The following LANCL1 variants were observed in gnomAD, a reference collection of about 807,000 sequenced individuals.
LANCL1 encodes the protein glutathione S-transferase LANCL1.
Under a neutral mutation model 50.6 loss-of-function variants are expected in LANCL1, and 50 were observed. The observed-to-expected ratio is 0.99, with a 90% CI of 0.79 to 1.25. LANCL1 has a LOEUF of 1.25. Ranked by LOEUF, LANCL1 falls within the 50% of genes most tolerant of loss-of-function variation. LANCL1 has a pLI of 0.00. For synonymous variants in LANCL1, 188 were observed against 178.6 expected (o/e 1.05, Z -0.42); for missense variants, 532 against 480.7 (o/e 1.11, Z -1.00).
At chr2:210,446,148 CCCT>C (rs1693320836) in intron 4 of LANCL1, among the ~76,000 whole-genome samples, 3 of 152,170 alleles carry the variant, frequency 2.0e-5, no homozygotes, top group Admixed American at 2.0e-4. Flanking sequence ...GTCCCTGCCC[CCCT>C]GTGCTTCCTG....
chr2:210,441,685 C>G (rs1693141878), intron 4 of LANCL1, among the ~76,000 whole-genome samples: 1 of 152,130 alleles, frequency 6.6e-6, no homozygotes, highest in Admixed American at 6.6e-5. Flanking sequence ...CTGAGGCTAT[C>G]TGAAATCTCC....
chr2:210,436,235 T>C lies in LANCL1; in HGVS notation c.1031A>G (p.Tyr344Cys). 5 of 1,613,838 alleles carry C rather than the reference T, an allele frequency of 3.1e-6. No homozygotes were observed. The highest frequency in any genetic ancestry group is 1.1e-5 in the South Asian group (1 of 91,066). ...TCCTACCTTACAGGCCCTATACAGG[T>C]ACTTCATGTCCTGTGTGAGGTTGTA... ...TLYNLTQDMKYLYRACKFAEW... is the reference protein window; with the variant it reads ...TLYNLTQDMKCLYRACKFAEW... The change falls in exon 8 of 10, where the codon TAC becomes TGC. Residue 344 changes from tyrosine to cysteine, a missense_variant. Physicochemically the swap from Tyr to Cys is radical, Grantham distance 194. Coordinates refer to ENST00000450366, the MANE Select transcript of LANCL1 (RefSeq NM_006055.3).
At chr2:210,466,358 A>T (rs1694058342) in intron 3 of LANCL1, among the ~76,000 whole-genome samples, 1 of 152,160 alleles carries the variant, frequency 6.6e-6, no homozygotes, top group Non-Finnish European at 1.5e-5. Flanking sequence ...CACTGTGGAG[A>T]TAAAAGTGAC....
intron 4 of LANCL1, among the ~76,000 whole-genome samples, chr2:210,445,629 A>T (rs1001148571): frequency 2.0e-5 from 3 of 152,172 alleles, no homozygotes; most frequent in Non-Finnish European, 4.4e-5. Context: ...AAAATAAAGA[A>T]ATGATATCAC....
At position 210,433,472 on chromosome 2, in the gene LANCL1, G is replaced by C. The variant is rs1326491619; in HGVS notation, c.*1015C>G. ...CATCTCCCCTTTTTAAACAGAAGTA[G>C]AATACTGTACAATTTAGTGAAAAGA... On this transcript the variant is annotated 3_prime_UTR_variant, in exon 10 of 10. Transcript: ENST00000450366. 1 of 149,070 alleles carries C rather than the reference G, an allele frequency of 6.7e-6. No individual in the cohort carries two copies. Among genetic ancestry groups the C allele is most frequent in the Non-Finnish European group, 1.5e-5 (1 of 68,016 alleles). The allele number at this position is 149,070 out of a possible 1,614,324, so 9.2% of individuals were successfully genotyped here. A position where few individuals can be genotyped will look rare whatever the true frequency, so the allele number is the denominator to read the frequency against.
chr2:210,464,109 G>A (rs1693962725), intron 3 of LANCL1, among the ~76,000 whole-genome samples: 1 of 152,128 alleles, frequency 6.6e-6, no homozygotes. Context: ...ATTTAAACCT[G>A]TACATATCAC....
At chr2:210,447,278 T>C (rs1559711227) in intron 4 of LANCL1, among the ~76,000 whole-genome samples, 1 of 152,110 alleles carries the variant, frequency 6.6e-6, no homozygotes. Flanking sequence ...AATGGAGAAA[T>C]AAAATCCTTT....
rs3836055 is a variant in LANCL1, at chr2:210,454,219, TACACACACAC to T, written c.407+878_407+887del. On this transcript the variant is annotated intron_variant, in intron 4 of 9. Coordinates refer to ENST00000450366, the MANE Select transcript of LANCL1 (RefSeq NM_006055.3). ...GGGAGAGAAGGGAGATATGCATACA[TACACACACAC>T]ACACACACACACACACACACACACA... Among the ~76,000 whole-genome samples, 1,182 of 147,712 alleles carry T rather than the reference TACACACACAC, an allele frequency of 8.0e-3. 22 individuals carry two copies. Among genetic ancestry groups the T allele is most frequent in the African/African-American group, 0.027 (1,103 of 40,192 alleles).
intron 4 of LANCL1, among the ~76,000 whole-genome samples, chr2:210,452,294 T>C (rs1453010952): frequency 6.6e-6 from 1 of 152,082 alleles, no homozygotes; most frequent in East Asian, 1.9e-4. Flanking sequence ...GGTTATATAT[T>C]TCTGGACCAG....
At chr2:210,461,322 C>T (rs1422317839) in intron 3 of LANCL1, among the ~76,000 whole-genome samples, 2 of 151,996 alleles carry the variant, frequency 1.3e-5, no homozygotes, top group Non-Finnish European at 2.9e-5. Flanking sequence ...GGGATAGGTG[C>T]ATCTAATGAA....
intron 3 of LANCL1, among the ~76,000 whole-genome samples, chr2:210,470,435 T>C (rs1025982984): frequency 1.3e-5 from 2 of 152,142 alleles, no homozygotes; most frequent in Non-Finnish European, 2.9e-5. Flanking sequence ...TAAAAAAAAA[T>C]AGAATCATGT....
At chr2:210,467,617 G>C (rs1030817797) in intron 3 of LANCL1, among the ~76,000 whole-genome samples, 5 of 152,154 alleles carry the variant, frequency 3.3e-5, no homozygotes, top group Non-Finnish European at 7.3e-5. Flanking sequence ...TATCAGGAAG[G>C]CTTCCTCAAC....
intron 3 of LANCL1, among the ~76,000 whole-genome samples, chr2:210,465,660 G>A (rs1259266898): frequency 2.6e-5 from 4 of 152,120 alleles, no homozygotes; most frequent in Non-Finnish European, 1.5e-5. Flanking sequence ...GAAGCAAAAC[G>A]ATCTAAAGCT....
At chr2:210,473,623 C>G (rs1455130373) in intron 2 of LANCL1, among the ~76,000 whole-genome samples, 1 of 152,070 alleles carries the variant, frequency 6.6e-6, no homozygotes, top group Admixed American at 6.6e-5. Context: ...ACACTGAAAA[C>G]AGCAAGAAGG....
chr2:210,472,976 C>T (rs966779542), intron 2 of LANCL1, among the ~76,000 whole-genome samples: 1 of 152,184 alleles, frequency 6.6e-6, no homozygotes, highest in Non-Finnish European at 1.5e-5. Context: ...TGAAGGTCCA[C>T]AGATGCTGTG....
chr2:210,476,405 A>G lies in LANCL1; in HGVS notation c.-9T>C. Reference sequence around the variant, plus strand: ...AAGGCCCTTTGAGCCATGACGCCGGAAGCAAGCCTGCAGAACAGGGGAAAA... The same window carrying G: ...AAGGCCCTTTGAGCCATGACGCCGGGAGCAAGCCTGCAGAACAGGGGAAAA... On this transcript the variant is annotated 5_prime_UTR_variant, in exon 2 of 10. Coordinates refer to ENST00000450366, the MANE Select transcript of LANCL1 (RefSeq NM_006055.3). 1 of 1,613,546 alleles carries G rather than the reference A, an allele frequency of 6.2e-7. No individual in the cohort carries two copies. Among genetic ancestry groups the G allele is most frequent in the Non-Finnish European group, 8.5e-7 (1 of 1,179,886 alleles).
chr2:210,476,480 G>GC (rs56033100), intron 1 of LANCL1, 68 bp from the exon 2 acceptor site: 1,501,020 of 1,501,054 alleles, frequency 1, 750,493 homozygotes, highest in Middle Eastern at 1. Context: ...GAGGGCGGCG[G>GC]CGGCGCCCAG....
At chr2:210,438,377 C>A in intron 6 of LANCL1, among the ~76,000 whole-genome samples, 1 of 152,210 alleles carries the variant, frequency 6.6e-6, no homozygotes, top group Middle Eastern at 3.4e-3. Flanking sequence ...TCAGATGATC[C>A]GCCCACCTTG....
At position 210,474,351 on chromosome 2, in the gene LANCL1, G is replaced by A. The variant is rs114161477; in HGVS notation, c.81+1965C>T. Reference sequence around the variant, plus strand: ...TTTCTAGGACCTGTCCAAAAACTACGTTAGGCAATAAACTACATTATTACT... The same window carrying A: ...TTTCTAGGACCTGTCCAAAAACTACATTAGGCAATAAACTACATTATTACT... On this transcript the variant is annotated intron_variant, in intron 2 of 9. Coordinates refer to ENST00000450366, the MANE Select transcript of LANCL1 (RefSeq NM_006055.3). 4.7e-3 allele frequency among the ~76,000 whole-genome samples: 709 copies of A among 152,142 alleles called. 4 individuals carry two copies. Among genetic ancestry groups the A allele is most frequent in the African/African-American group, 9.8e-3 (405 of 41,504 alleles).
Sources: allele counts gnomAD v4.1 joint callset (sites outside exome capture counted in the v4.1 genomes callset), GRCh38; gene constraint gnomAD v4.1.1; transcripts MANE v1.5; gene names NCBI Gene and HGNC (gene_info 2026-07-23, HGNC 2026-07-21).